Variants in SCN1A observed in about 807,000 individuals in gnomAD.
The protein encoded by SCN1A is sodium channel protein type 1 subunit alpha.
In SCN1A, 13 loss-of-function variants were observed where a neutral mutation model predicts 193.7. The ratio of observed to expected loss-of-function variants is 0.07; its 90% CI spans 0.04 to 0.11. The LOEUF is 0.11. Among genes scored for constraint, SCN1A ranks in the 10% least tolerant of loss-of-function variants. The pLI is 1.00. For missense variants in SCN1A, 1,432 were observed against 2,451.1 expected, an observed-to-expected ratio of 0.58 and a Z score of 8.78; for synonymous variants, 781 against 843.6, an observed-to-expected ratio of 0.93 and a Z score of 1.29.
At chr2:166,050,613 GTATATATATA>G (rs368513344) in intron 9 of SCN1A, among the ~76,000 whole-genome samples, 16 of 65,398 alleles carry the variant, frequency 2.4e-4, no homozygotes, top group Admixed American at 1.6e-3. Context: ...ATTAAAAAAA[GTATATATATA>G]TATATATATA....
At chr2:166,141,858 G>A (rs926562676) in intron 1 of SCN1A, among the ~76,000 whole-genome samples, 2 of 151,906 alleles carry the variant, frequency 1.3e-5, no homozygotes, top group African/African-American at 4.8e-5. Flanking sequence ...AAGGGTATGT[G>A]CCTTTTAACC....
At chr2:166,090,543 A>G (rs1391820300) in intron 2 of SCN1A, among the ~76,000 whole-genome samples, 1 of 152,152 alleles carries the variant, frequency 6.6e-6, no homozygotes, top group Non-Finnish European at 1.5e-5. Context: ...TGCAACATTG[A>G]GCTCTCTTTA....
At chr2:166,115,932 T>C (rs150401141) in intron 2 of SCN1A, among the ~76,000 whole-genome samples, 541 of 152,272 alleles carry the variant, frequency 3.6e-3, no homozygotes, top group Non-Finnish European at 6.2e-3. Context: ...AGGAAATTAA[T>C]CATACTTGGG....
At chr2:166,136,145 A>G (rs1553467202) in intron 1 of SCN1A, among the ~76,000 whole-genome samples, 3 of 152,168 alleles carry the variant, frequency 2.0e-5, no homozygotes, top group Non-Finnish European at 1.5e-5. Flanking sequence ...TCTCTTTTAC[A>G]TTCTGATTGC....
At chr2:166,092,887 G>A (rs1686968739) in intron 2 of SCN1A, among the ~76,000 whole-genome samples, 1 of 152,068 alleles carries the variant, frequency 6.6e-6, no homozygotes, top group Non-Finnish European at 1.5e-5. Context: ...TGCCAACTCA[G>A]CCCTCACTCC....
At chr2:166,001,176 C>T (rs1213302799) in intron 24 of SCN1A, among the ~76,000 whole-genome samples, 1 of 151,568 alleles carries the variant, frequency 6.6e-6, no homozygotes, top group Non-Finnish European at 1.5e-5. Context: ...TCTTTAGAGA[C>T]AAGGTCTCAC....
chr2:166,097,569 A>G (rs1204304841), intron 2 of SCN1A, among the ~76,000 whole-genome samples: 2 of 151,826 alleles, frequency 1.3e-5, no homozygotes, highest in Non-Finnish European at 2.9e-5. Context: ...TATATTTGGT[A>G]TGTTCAAAGG....
intron 2 of SCN1A, among the ~76,000 whole-genome samples, chr2:166,093,126 A>G (rs1175865567): frequency 6.6e-6 from 1 of 151,910 alleles, no homozygotes; most frequent in Non-Finnish European, 1.5e-5. Context: ...GATGCACTGC[A>G]TGACCTAGAG....
intron 2 of SCN1A, among the ~76,000 whole-genome samples, chr2:166,122,920 A>G (rs1457173653): frequency 2.0e-5 from 3 of 152,182 alleles, no homozygotes; most frequent in Non-Finnish European, 4.4e-5. Flanking sequence ...GTAGAGCACC[A>G]AAGGAGAAAC....
At chr2:166,021,726 G>A (rs749826567) in intron 19 of SCN1A, among the ~76,000 whole-genome samples, 4 of 152,030 alleles carry the variant, frequency 2.6e-5, no homozygotes, top group Non-Finnish European at 5.9e-5. Context: ...ATCATAAGTT[G>A]TACAGCTAAA....
chr2:166,058,660 G>C lies in SCN1A; in HGVS notation c.293C>G (p.Ala98Gly). The stretch of plus-strand genomic sequence containing the variant: ...AGAGGTGGCACTGAACCGGAAGATG[G>C]CCTTCCCTTTATTCAATACTATAAA... ...KTFIVLNKGK[A>G]IFRFSATSAL... Residue 98 changes from alanine (A) to glycine (G), a missense_variant, in exon 5 of 29, where the codon GCC becomes GGC. Coordinates refer to ENST00000674923, the MANE Select transcript of SCN1A (RefSeq NM_001165963.4). 6.2e-7 allele frequency: 1 copy of C among 1,609,382 alleles called. No individual in the cohort carries two copies. Among genetic ancestry groups the C allele is most frequent in the African/African-American group, 1.3e-5 (1 of 74,920 alleles).
At chr2:166,042,712 A>G (rs1234209882) in intron 14 of SCN1A, among the ~76,000 whole-genome samples, 2 of 152,254 alleles carry the variant, frequency 1.3e-5, no homozygotes, top group African/African-American at 4.8e-5. Flanking sequence ...AGATATATTT[A>G]ACAGTTATTA....
intron 11 of SCN1A, 33 bp from the exon 12 acceptor site, chr2:166,047,009 T>C: frequency 6.2e-7 from 1 of 1,608,536 alleles, no homozygotes; most frequent in African/African-American, 1.3e-5. Context: ...TATTTCTCAA[T>C]ATTATTTCAC....
At chr2:166,131,384 G>A (rs1389399641), upstream of SCN1A, among the ~76,000 whole-genome samples, 2 of 144,020 alleles carry the variant, frequency 1.4e-5, no homozygotes, top group African/African-American at 2.5e-5. Flanking sequence ...GTAAGACTCC[G>A]TCTCTGTAAG....
intron 2 of SCN1A, among the ~76,000 whole-genome samples, chr2:166,089,822 T>G (rs1021194515): frequency 6.6e-6 from 1 of 152,152 alleles, no homozygotes; most frequent in African/African-American, 2.4e-5. Context: ...TTTTCAAACA[T>G]GGATGATGGT....
chr2:166,074,723 G>T (rs1368205629), intron 3 of SCN1A, among the ~76,000 whole-genome samples: 1 of 152,148 alleles, frequency 6.6e-6, no homozygotes, highest in Non-Finnish European at 1.5e-5. Flanking sequence ...AATTTTATTT[G>T]GAGACTGCAT....
intron 16 of SCN1A, 65 bp from the exon 17 acceptor site, chr2:166,039,661 C>G: frequency 7.0e-7 from 1 of 1,424,408 alleles, no homozygotes; most frequent in South Asian, 1.2e-5. Context: ...AAGATTTGCT[C>G]TTAGAACATA....
intron 2 of SCN1A, among the ~76,000 whole-genome samples, chr2:166,113,378 A>C (rs1689505938): frequency 6.6e-6 from 1 of 152,116 alleles, no homozygotes; most frequent in Non-Finnish European, 1.5e-5. Flanking sequence ...CATATTGTTA[A>C]ATGAATGACT....
At chr2:166,132,721 C>T (rs1182179649), upstream of SCN1A, among the ~76,000 whole-genome samples, 1 of 152,026 alleles carries the variant, frequency 6.6e-6, no homozygotes, top group Non-Finnish European at 1.5e-5. Context: ...CTTATAGGTA[C>T]TAAAGTGGAC....
Sources: allele counts gnomAD v4.1 joint callset (sites outside exome capture counted in the v4.1 genomes callset), GRCh38; gene constraint gnomAD v4.1.1; transcripts MANE v1.5; gene names NCBI Gene and HGNC (gene_info 2026-07-23, HGNC 2026-07-21).